The following PBX1 variants were observed in gnomAD, a reference collection of about 807,000 sequenced individuals.
PBX1 encodes PBX homeobox 1.
PBX1 carries 6 observed loss-of-function variants against 53.4 expected under a neutral mutation model. That is an observed-to-expected ratio of 0.11 (90% CI 0.06 to 0.22). The LOEUF (loss-of-function observed/expected upper bound fraction) is 0.22, where lower values mean the gene tolerates loss of function less well. PBX1 is among the 10% of genes least tolerant of loss of function. The probability of loss-of-function intolerance (pLI) is 1.00; values close to 1 mark genes in which losing one functional copy is unlikely to be tolerated. For missense variants in PBX1, 251 were observed against 551.4 expected (o/e 0.46, Z 5.46); for synonymous variants, 204 against 212.3 (o/e 0.96, Z 0.34).
chr1:164,774,352 G>A (rs1418396214), intron 2 of PBX1: 1 of 152,108 alleles, frequency 6.6e-6, no homozygotes, highest in Non-Finnish European at 1.5e-5. Flanking sequence ...TCTCCATCTG[G>A]GAGGTATAAA....
At chr1:164,656,838 T>TA (rs1326799289) in intron 2 of PBX1, among the ~76,000 whole-genome samples, 1 of 152,076 alleles carries the variant, frequency 6.6e-6, no homozygotes, top group Non-Finnish European at 1.5e-5. Context: ...AATATCCTAT[T>TA]ACATATATTA....
At chr1:164,672,581 AT>A (rs1256765888) in intron 2 of PBX1, among the ~76,000 whole-genome samples, 2 of 152,004 alleles carry the variant, frequency 1.3e-5, no homozygotes, top group African/African-American at 2.4e-5. Context: ...TTTCCATAAG[AT>A]TTTTTCCCCC....
At chr1:164,605,420 G>C (rs1206274494) in intron 2 of PBX1, 1 of 152,158 alleles carries the variant, frequency 6.6e-6, no homozygotes, top group Non-Finnish European at 1.5e-5. Flanking sequence ...GGACAGCCTG[G>C]TGAGTTTAAC....
chr1:164,739,214 C>T (rs192529821), intron 2 of PBX1, among the ~76,000 whole-genome samples: 2 of 152,312 alleles, frequency 1.3e-5, no homozygotes, highest in Admixed American at 6.5e-5. Context: ...CAATCATAGA[C>T]GTACACTCGC....
intron 8 of PBX1, among the ~76,000 whole-genome samples, chr1:164,845,794 T>G (rs1346549605): frequency 1.3e-5 from 2 of 152,188 alleles, no homozygotes; most frequent in Non-Finnish European, 2.9e-5. Flanking sequence ...TCTGGATATA[T>G]TCACACAGAC....
chr1:164,830,647 C>A lies in PBX1; in HGVS notation c.1200+9021C>A, dbSNP rs150744834. ...TTCTTCAAGCCCAAGCAGGACATGT[C>A]TTTGAACTCATCTTGAACTCTTTCT... is the stretch of plus-strand genomic sequence containing the variant. On this transcript the variant is annotated intron_variant, in intron 8 of 8. Coordinates refer to ENST00000420696, the MANE Select transcript of PBX1 (RefSeq NM_002585.4). Among the ~76,000 whole-genome samples the A allele has an allele frequency of 1.9e-3, 290 of 152,292 alleles. 6 individuals are homozygous for A. In the East Asian group the frequency reaches 0.028, roughly 15 times the overall value.
At chr1:164,720,174 A>G (rs1487493161) in intron 2 of PBX1, among the ~76,000 whole-genome samples, 1 of 152,194 alleles carries the variant, frequency 6.6e-6, no homozygotes, top group Admixed American at 6.5e-5. Flanking sequence ...TATTGTAAAG[A>G]CAGGGGAAAC....
At chr1:164,582,956 A>G (rs1654719144) in intron 2 of PBX1, among the ~76,000 whole-genome samples, 1 of 152,192 alleles carries the variant, frequency 6.6e-6, no homozygotes. Flanking sequence ...TATTCAGTTA[A>G]TATATTTTTG....
intron 2 of PBX1, among the ~76,000 whole-genome samples, chr1:164,757,398 G>A (rs949666887): frequency 7.9e-5 from 12 of 152,098 alleles, no homozygotes; most frequent in Non-Finnish European, 1.0e-4. Context: ...TATTGAAGTC[G>A]TATCTATTCA....
chr1:164,602,834 T>C (rs1012557313), intron 2 of PBX1, among the ~76,000 whole-genome samples: 2 of 152,118 alleles, frequency 1.3e-5, no homozygotes, highest in Non-Finnish European at 2.9e-5. Context: ...AAGGTACTTG[T>C]GGAATGTTTG....
intron 1 of PBX1, 188 bp downstream of exon 1, chr1:164,560,201 C>G (rs1652931780): frequency 1.9e-6 from 1 of 517,748 alleles, no homozygotes; most frequent in Admixed American, 3.8e-5. Flanking sequence ...AAAGTGTAAT[C>G]GCCCATGCCG....
chr1:164,562,586 C>G lies in PBX1; in HGVS notation c.192-652C>G, dbSNP rs546089590. 8.5e-5 allele frequency among the ~76,000 whole-genome samples: 13 copies of G among 152,104 alleles called. No homozygotes were observed. In the South Asian group the frequency reaches 2.7e-3, roughly 32 times the overall value. On this transcript the variant is annotated intron_variant, in intron 1 of 8. Transcript: ENST00000420696. ...ATTGTAAATAATTGAATTTCAACAC[C>G]TGCAAATAAGCAGTGTGTGCACAGA...
intron 2 of PBX1, among the ~76,000 whole-genome samples, chr1:164,753,749 T>C (rs1666347156): frequency 6.6e-6 from 1 of 152,206 alleles, no homozygotes; most frequent in East Asian, 1.9e-4. Context: ...GTGTCATGGA[T>C]TGCTCTGTTA....
intron 2 of PBX1, chr1:164,605,458 C>T (rs1366029450): frequency 6.6e-6 from 1 of 152,074 alleles, no homozygotes; most frequent in Non-Finnish European, 1.5e-5. Flanking sequence ...AGAGGAGGCA[C>T]TCTTTGTTAT....
At chr1:164,613,071 C>A (rs1431661987) in intron 2 of PBX1, among the ~76,000 whole-genome samples, 9 of 152,156 alleles carry the variant, frequency 5.9e-5, no homozygotes, top group Non-Finnish European at 1.2e-4. Flanking sequence ...AAAAACCCTT[C>A]TAGAAATATT....
intron 2 of PBX1, among the ~76,000 whole-genome samples, chr1:164,743,666 G>C (rs1287046636): frequency 2.0e-5 from 3 of 152,120 alleles, no homozygotes; most frequent in South Asian, 4.1e-4. Context: ...AAAAATGGTG[G>C]CTTAAACAAA....
chr1:164,631,180 G>GTT (rs1383468934), intron 2 of PBX1: 16 of 152,042 alleles, frequency 1.1e-4, no homozygotes, highest in African/African-American at 3.4e-4. Flanking sequence ...TGGCTTTGCA[G>GTT]TTTAAGATAG....
intron 2 of PBX1, among the ~76,000 whole-genome samples, chr1:164,569,949 GGT>G (rs1653731855): frequency 1.3e-5 from 2 of 152,064 alleles, no homozygotes; most frequent in South Asian, 4.2e-4. Context: ...AAAGAGAATG[GGT>G]AAGAACAGAG....
chr1:164,813,864 G>T (rs750480127), intron 6 of PBX1: 2 of 152,136 alleles, frequency 1.3e-5, no homozygotes, highest in Non-Finnish European at 2.9e-5. Context: ...AAGAAATATG[G>T]TTGCCTCTTA....
Sources: allele counts gnomAD v4.1 joint callset (sites outside exome capture counted in the v4.1 genomes callset), GRCh38; gene constraint gnomAD v4.1.1; transcripts MANE v1.5; gene names NCBI Gene and HGNC (gene_info 2026-07-23, HGNC 2026-07-21).